PTPRM: variants seen among roughly 807,000 people sequenced by gnomAD.
PTPRM encodes receptor-type tyrosine-protein phosphatase mu.
In PTPRM, 47 loss-of-function variants were observed where a neutral mutation model predicts 186.7. That is an observed-to-expected ratio of 0.25 (90% CI 0.20 to 0.32). The LOEUF is 0.32. Among genes scored for constraint, PTPRM ranks in the 10% least tolerant of loss-of-function variants. The pLI, the probability that PTPRM is intolerant of heterozygous loss-of-function variation, is 1.00. For synonymous variants in PTPRM, 668 were observed against 674.9 expected, an observed-to-expected ratio of 0.99 and a Z score of 0.16; for missense variants, 1,494 against 1,865.0, an observed-to-expected ratio of 0.80 and a Z score of 3.66.
intron 19 of PTPRM, among the ~76,000 whole-genome samples, chr18:8,280,029 C>T (rs370963792): frequency 2.0e-5 from 3 of 152,144 alleles, no homozygotes; most frequent in Admixed American, 2.0e-4. Context: ...TGTGTGCAGC[C>T]GTGACTGGAA....
intron 20 of PTPRM, among the ~76,000 whole-genome samples, chr18:8,310,187 C>T (rs911415817): frequency 1.3e-5 from 2 of 151,998 alleles, no homozygotes; most frequent in African/African-American, 4.8e-5. Flanking sequence ...CACCTAAATA[C>T]CCCTCAGATT....
chr18:8,322,119 A>C (rs1307251544), intron 22 of PTPRM, among the ~76,000 whole-genome samples: 1 of 152,200 alleles, frequency 6.6e-6, no homozygotes, highest in African/African-American at 2.4e-5. Context: ...ATTCTTTAAA[A>C]TATATTCACA....
chr18:7,644,285 C>T (rs1231794723), intron 1 of PTPRM, among the ~76,000 whole-genome samples: 3 of 151,990 alleles, frequency 2.0e-5, no homozygotes, highest in African/African-American at 2.4e-5. Context: ...GAAAGATGCT[C>T]GTATTTATGT....
intron 23 of PTPRM, among the ~76,000 whole-genome samples, chr18:8,353,277 G>C (rs1018263744): frequency 7.2e-5 from 11 of 152,170 alleles, no homozygotes; most frequent in South Asian, 2.1e-4. Flanking sequence ...GAAGGAAGGA[G>C]AGGTAGCAAG....
chr18:8,274,708 C>A (rs776927186), intron 19 of PTPRM, among the ~76,000 whole-genome samples: 8 of 152,138 alleles, frequency 5.3e-5, no homozygotes, highest in Non-Finnish European at 1.0e-4. Context: ...AGGGACACAG[C>A]CCTTTGCACC....
intron 1 of PTPRM, among the ~76,000 whole-genome samples, chr18:7,702,886 G>A (rs1254505737): frequency 1.3e-5 from 2 of 151,800 alleles, no homozygotes. Flanking sequence ...TGTAAGGAAG[G>A]GGTCCAGTTT....
At chr18:7,837,378 T>G (rs993977996) in intron 2 of PTPRM, among the ~76,000 whole-genome samples, 2 of 152,216 alleles carry the variant, frequency 1.3e-5, no homozygotes, top group African/African-American at 4.8e-5. Flanking sequence ...ATTTCAGTCT[T>G]TTTGTTAAAT....
chr18:8,046,238 T>C (rs778260853), intron 7 of PTPRM, among the ~76,000 whole-genome samples: 1 of 152,156 alleles, frequency 6.6e-6, no homozygotes, highest in Admixed American at 6.5e-5. Flanking sequence ...TGAAACCTCT[T>C]TTCTTTATAA....
chr18:7,695,805 C>T (rs1268499658), intron 1 of PTPRM, among the ~76,000 whole-genome samples: 1 of 152,150 alleles, frequency 6.6e-6, no homozygotes, highest in Non-Finnish European at 1.5e-5. Flanking sequence ...AAAATGTGGT[C>T]TCCACTTTGT....
At chr18:7,756,532 G>A (rs2041500199) in intron 1 of PTPRM, among the ~76,000 whole-genome samples, 1 of 152,162 alleles carries the variant, frequency 6.6e-6, no homozygotes, top group Admixed American at 6.5e-5. Context: ...CTCCAGTGGT[G>A]TTGAGATGTC....
chr18:8,112,688 T>C (rs2091807956), intron 11 of PTPRM, among the ~76,000 whole-genome samples: 1 of 152,186 alleles, frequency 6.6e-6, no homozygotes, highest in Non-Finnish European at 1.5e-5. Flanking sequence ...AATCTATCAG[T>C]TCAAGGTTTC....
intron 22 of PTPRM, among the ~76,000 whole-genome samples, chr18:8,324,746 A>C (rs1284934271): frequency 2.0e-5 from 3 of 152,204 alleles, no homozygotes; most frequent in Non-Finnish European, 1.5e-5. Context: ...TTTATAAATG[A>C]GAGGAAAGGA....
chr18:8,406,295 C>G lies in PTPRM; in HGVS notation c.*133C>G, dbSNP rs2095906093. 8 of 819,824 alleles carry G rather than the reference C, an allele frequency of 9.8e-6. No individual in the cohort carries two copies. The highest frequency in any genetic ancestry group is 1.5e-5 in the Non-Finnish European group (8 of 518,538). 50.8% of individuals were successfully genotyped at this position (819,824 alleles called of 1,614,324 possible). A position where few individuals can be genotyped will look rare whatever the true frequency, so the allele number is the denominator to read the frequency against. Reference sequence around the variant, plus strand: ...GCATAATTGGCTCTTTTTAAGAGCCCAAGAAAGTGTTTCTAAAATTGCTTG... The same window carrying G: ...GCATAATTGGCTCTTTTTAAGAGCCGAAGAAAGTGTTTCTAAAATTGCTTG... On this transcript the variant is annotated 3_prime_UTR_variant, in exon 33 of 33. Coordinates refer to ENST00000580170, the MANE Select transcript of PTPRM (RefSeq NM_001105244.2).
chr18:8,376,530 G>C lies in PTPRM; in HGVS notation c.3395G>C (p.Gly1132Ala). 6.2e-7 allele frequency: 1 copy of C among 1,614,048 alleles called. No individual in the cohort carries two copies. Among genetic ancestry groups the C allele is most frequent in the Non-Finnish European group, 8.5e-7 (1 of 1,179,992 alleles). The change falls in exon 26 of 33, where the codon GGG (glycine) becomes GCG (alanine). Residue 1132 changes from glycine to alanine, a missense_variant. Gly to Ala is a moderately conservative substitution (Grantham distance 60). This residue lies in a region of PTPRM where 1,107 missense variants were observed against 1,350.2 expected (regional missense o/e 0.82). Coordinates refer to ENST00000580170, the MANE Select transcript of PTPRM (RefSeq NM_001105244.2). ...DIMLDMAERE[G>A]VVDIYNCVRE... The stretch of plus-strand genomic sequence containing the variant: ...ATGTTGGACATGGCCGAAAGGGAAG[G>C]GGTCGTAGACATCTACAACTGCGTC...
intron 5 of PTPRM, among the ~76,000 whole-genome samples, chr18:7,940,458 C>T (rs1195082718): frequency 6.6e-6 from 1 of 152,154 alleles, no homozygotes; most frequent in African/African-American, 2.4e-5. Context: ...TCAGGTTAGG[C>T]CTCAGTGAAG....
intron 7 of PTPRM, among the ~76,000 whole-genome samples, chr18:8,051,190 T>C (rs1175956562): frequency 1.3e-5 from 2 of 152,288 alleles, no homozygotes; most frequent in African/African-American, 4.8e-5. Flanking sequence ...GTAGTAACCA[T>C]TGTACCTCTC....
intron 3 of PTPRM, among the ~76,000 whole-genome samples, chr18:7,902,874 G>A (rs2146517413): frequency 6.9e-6 from 1 of 144,798 alleles, no homozygotes; most frequent in South Asian, 2.2e-4. Flanking sequence ...GCTTTGGTAA[G>A]GGTATGACCC....
intron 10 of PTPRM, among the ~76,000 whole-genome samples, chr18:8,087,009 G>C (rs2090466837): frequency 6.6e-6 from 1 of 152,026 alleles, no homozygotes; most frequent in Non-Finnish European, 1.5e-5. Flanking sequence ...ACAGATTGAA[G>C]AAAATGGGTT....
At chr18:7,843,178 G>T (rs2046435260) in intron 2 of PTPRM, among the ~76,000 whole-genome samples, 1 of 151,600 alleles carries the variant, frequency 6.6e-6, no homozygotes, top group South Asian at 2.1e-4. Flanking sequence ...CTAGATTTTT[G>T]GACTCCAGGG....
Sources: gnomAD v4.1 joint callset for allele counts (sites outside exome capture counted in the v4.1 genomes callset) on GRCh38, gnomAD v4.1.1 for gene constraint, gnomAD v4.1.1 regional missense constraint, MANE v1.5 for transcripts, NCBI Gene and HGNC (gene_info 2026-07-23, HGNC 2026-07-21) for gene names.